The following TPO variants were observed in gnomAD, a reference collection of about 807,000 sequenced individuals.
TPO encodes the protein thyroid peroxidase.
TPO carries 78 observed loss-of-function variants against 96.9 expected under a neutral mutation model. The ratio of observed to expected loss-of-function variants is 0.81; its 90% CI spans 0.67 to 0.97. The LOEUF (loss-of-function observed/expected upper bound fraction) is 0.97. TPO is among the 50% of genes least tolerant of loss of function. The pLI is 0.00. For missense variants in TPO, 1,252 were observed against 1,274.8 expected, an observed-to-expected ratio of 0.98 and a Z score of 0.27; for synonymous variants, 547 against 538.0, an observed-to-expected ratio of 1.02 and a Z score of -0.23.
intron 1 of TPO, among the ~76,000 whole-genome samples, chr2:1,374,767 A>G (rs1661696161): frequency 6.9e-6 from 1 of 144,606 alleles, no homozygotes; most frequent in East Asian, 2.0e-4. Context: ...TTGCTCTGTC[A>G]CCCAGGCTGG....
At chr2:1,541,307 T>C in intron 16 of TPO, 1 of 525,628 alleles carries the variant, frequency 1.9e-6, no homozygotes, top group Middle Eastern at 9.3e-4. Flanking sequence ...CTGCACGGCA[T>C]GGGGCGCACG....
At chr2:1,409,165 G>A (rs536309541), upstream of TPO, among the ~76,000 whole-genome samples, 4 of 152,202 alleles carry the variant, frequency 2.6e-5, no homozygotes, top group East Asian at 1.9e-4. Context: ...GAGGAGCCTC[G>A]CACGGGGACG....
intron 14 of TPO, 141 bp downstream of exon 14, chr2:1,504,220 C>T: frequency 1.4e-6 from 2 of 1,473,228 alleles, no homozygotes; most frequent in Non-Finnish European, 1.8e-6. Flanking sequence ...GCCCACGGTG[C>T]CCGAGGGGCG....
intron 9 of TPO, 83 bp from the exon 10 acceptor site, chr2:1,487,738 C>CAAA (rs72230434): frequency 5.0e-5 from 67 of 1,334,238 alleles, no homozygotes; most frequent in African/African-American, 1.4e-4. Flanking sequence ...GACTCCGTCT[C>CAAA]AAAAAAAAAA....
chr2:1,490,559 G>A (rs1033594403), intron 10 of TPO, among the ~76,000 whole-genome samples: 1 of 152,206 alleles, frequency 6.6e-6, no homozygotes, highest in East Asian at 1.9e-4. Flanking sequence ...CACTGCATGT[G>A]TTAGCACTCT....
chr2:1,483,467 G>A (rs1019468215), intron 8 of TPO, among the ~76,000 whole-genome samples: 1 of 152,252 alleles, frequency 6.6e-6, no homozygotes, highest in African/African-American at 2.4e-5. Context: ...AACAGAAGGT[G>A]CTGCCTGAGT....
intron 5 of TPO, among the ~76,000 whole-genome samples, chr2:1,440,762 C>T (rs1337762431): frequency 6.7e-6 from 1 of 149,630 alleles, no homozygotes; most frequent in African/African-American, 2.5e-5. Context: ...TGCCGCAGGA[C>T]GTACTATGTT....
intron 2 of TPO, among the ~76,000 whole-genome samples, chr2:1,416,751 A>T (rs546265946): frequency 1.5e-4 from 23 of 152,364 alleles, no homozygotes; most frequent in African/African-American, 3.8e-4. Context: ...AGCCTTTAAT[A>T]GTTGTTTTGC....
At chr2:1,405,587 T>G (rs1473517080) in intron 1 of TPO, among the ~76,000 whole-genome samples, 1 of 152,080 alleles carries the variant, frequency 6.6e-6, no homozygotes, top group East Asian at 1.9e-4. Context: ...CACCGACCTT[T>G]TATCTCCCCC....
intron 14 of TPO, among the ~76,000 whole-genome samples, chr2:1,514,548 C>T (rs1283100325): frequency 6.6e-6 from 1 of 152,136 alleles, no homozygotes; most frequent in Non-Finnish European, 1.5e-5. Context: ...CCAGCCCCAC[C>T]AGAGGGGCAC....
intron 8 of TPO, among the ~76,000 whole-genome samples, chr2:1,481,533 A>G (rs1670639547): frequency 6.6e-6 from 1 of 151,922 alleles, no homozygotes; most frequent in Admixed American, 6.6e-5. Flanking sequence ...GTAGAACCAG[A>G]CCCCGGAGGG....
At chr2:1,403,491 A>G (rs1428472022) in intron 1 of TPO, among the ~76,000 whole-genome samples, 1 of 152,202 alleles carries the variant, frequency 6.6e-6, no homozygotes, top group Non-Finnish European at 1.5e-5. Flanking sequence ...GTACCTCCAT[A>G]GCAGTGGTGC....
intron 15 of TPO, among the ~76,000 whole-genome samples, chr2:1,537,715 A>G (rs77126426): frequency 0.027 from 2,598 of 94,584 alleles, 122 homozygotes; most frequent in African/African-American, 0.1. Context: ...ACTGTGAGCG[A>G]CCTCCCCAAA....
intron 3 of TPO, among the ~76,000 whole-genome samples, chr2:1,426,714 G>A (rs975236731): frequency 6.6e-6 from 1 of 152,220 alleles, no homozygotes; most frequent in African/African-American, 2.4e-5. Context: ...TTCATTTAGG[G>A]ATGAATTTAT....
At chr2:1,391,423 T>C (rs1202965011) in intron 1 of TPO, among the ~76,000 whole-genome samples, 1 of 152,212 alleles carries the variant, frequency 6.6e-6, no homozygotes, top group Non-Finnish European at 1.5e-5. Context: ...TGTAGCCTCA[T>C]AGTATCGTTT....
intron 13 of TPO, among the ~76,000 whole-genome samples, chr2:1,498,074 C>T (rs1277306524): frequency 6.6e-6 from 1 of 150,492 alleles, no homozygotes; most frequent in African/African-American, 2.5e-5. Context: ...TGCCAGTGAA[C>T]TGTACATTTA....
intron 15 of TPO, among the ~76,000 whole-genome samples, chr2:1,523,585 C>T (rs1675695971): frequency 5.1e-5 from 4 of 77,874 alleles, no homozygotes; most frequent in African/African-American, 1.7e-4. Context: ...CTCCCCAAAT[C>T]CCCCACACTG....
At chr2:1,538,778 C>T (rs972714409) in intron 15 of TPO, among the ~76,000 whole-genome samples, 3 of 152,152 alleles carry the variant, frequency 2.0e-5, no homozygotes, top group South Asian at 4.1e-4. Flanking sequence ...AAGCAACAGA[C>T]GTTGATGTTC....
intron 10 of TPO, among the ~76,000 whole-genome samples, chr2:1,488,217 C>A (rs1335555610): frequency 6.6e-6 from 1 of 152,144 alleles, no homozygotes; most frequent in East Asian, 1.9e-4. Flanking sequence ...CTCCCAGGAA[C>A]GTATGAGCTG....
Sources: gnomAD v4.1 joint callset for allele counts (sites outside exome capture counted in the v4.1 genomes callset) on GRCh38, gnomAD v4.1.1 for gene constraint, MANE v1.5 for transcripts, NCBI Gene and HGNC (gene_info 2026-07-23, HGNC 2026-07-21) for gene names.